Variants in MUCL1 observed in about 807,000 individuals in gnomAD.
MUCL1 encodes mucin like 1.
In MUCL1, 11 loss-of-function variants were observed where a neutral mutation model predicts 9.2. The ratio of observed to expected loss-of-function variants is 1.19; its 90% CI spans 0.75 to 1.97. The LOEUF (loss-of-function observed/expected upper bound fraction) is 1.97, where lower values mean the gene tolerates loss of function less well. Among genes scored for constraint, MUCL1 ranks in the 30% most tolerant of loss-of-function variants. The pLI is 0.00. For synonymous variants in MUCL1, 48 were observed against 40.5 expected, an observed-to-expected ratio of 1.19 and a Z score of -0.71; for missense variants, 144 against 110.9, an observed-to-expected ratio of 1.30 and a Z score of -1.34.
chr12:54,831,087 G>A (rs1959184832), intron 1 of MUCL1, among the ~76,000 whole-genome samples: 1 of 152,112 alleles, frequency 6.6e-6, no homozygotes. Flanking sequence ...ATAAACCAGA[G>A]AGTTTTGTAT....
At chr12:54,843,903 C>T (rs779847993) in intron 1 of MUCL1, among the ~76,000 whole-genome samples, 1 of 152,092 alleles carries the variant, frequency 6.6e-6, no homozygotes, top group African/African-American at 2.4e-5. Flanking sequence ...TGCAGAAATA[C>T]GAAAGTAATA....
At chr12:54,832,542 C>A (rs1024924427) in intron 1 of MUCL1, among the ~76,000 whole-genome samples, 2 of 152,006 alleles carry the variant, frequency 1.3e-5, no homozygotes, top group Admixed American at 6.6e-5. Context: ...TTTATTGTCA[C>A]TTTGGTTAAA....
chr12:54,844,453 T>A (rs2135942211), intron 1 of MUCL1, among the ~76,000 whole-genome samples: 1 of 152,296 alleles, frequency 6.6e-6, no homozygotes, highest in East Asian at 1.9e-4. Context: ...CCTAAGGATC[T>A]GGCTGAAAGG....
intron 1 of MUCL1, among the ~76,000 whole-genome samples, chr12:54,849,194 A>T (rs1959300364): frequency 6.6e-6 from 1 of 152,174 alleles, no homozygotes; most frequent in Non-Finnish European, 1.5e-5. Context: ...ACACAAATAT[A>T]TGGTCACTTG....
rs1441720114 is a variant in MUCL1 at position 54,858,315 on chromosome 12, A to G, written c.*73A>G. On this transcript the variant is annotated 3_prime_UTR_variant, in exon 4 of 4. Transcript: ENST00000308796. ...TTCCTGTGATTTCATCCAACTACTTACCTTGCCTACGATATCCCCTTTATC... is the reference window on the plus strand; with the variant it reads ...TTCCTGTGATTTCATCCAACTACTTGCCTTGCCTACGATATCCCCTTTATC... The G allele has an allele frequency of 6.5e-7, 1 of 1,548,982 alleles. No homozygotes were observed. The highest frequency in any genetic ancestry group is 8.9e-7 in the Non-Finnish European group (1 of 1,121,286).
upstream of MUCL1, among the ~76,000 whole-genome samples, chr12:54,853,554 C>A (rs1257278492): frequency 6.6e-6 from 1 of 152,116 alleles, no homozygotes; most frequent in Non-Finnish European, 1.5e-5. Context: ...TTCCTCAGCT[C>A]CTTAAGAGTC....
At chr12:54,833,416 T>C (rs535095933) in intron 1 of MUCL1, among the ~76,000 whole-genome samples, 2 of 152,314 alleles carry the variant, frequency 1.3e-5, no homozygotes, top group Admixed American at 6.5e-5. Context: ...TTTCCAATAC[T>C]TGGTATTTTC....
upstream of MUCL1, among the ~76,000 whole-genome samples, chr12:54,854,256 C>G (rs114415808): frequency 5.2e-3 from 798 of 152,318 alleles, 8 homozygotes; most frequent in African/African-American, 0.017. Flanking sequence ...TATGGAGACA[C>G]TATACCCTAC....
At chr12:54,848,192 T>C (rs1959284230) in intron 1 of MUCL1, among the ~76,000 whole-genome samples, 1 of 151,730 alleles carries the variant, frequency 6.6e-6, no homozygotes, top group African/African-American at 2.4e-5. Context: ...GAGTGAGGAG[T>C]CTGGTTTTGG....
At chr12:54,843,021 T>C (rs1209890454) in intron 1 of MUCL1, among the ~76,000 whole-genome samples, 2 of 152,210 alleles carry the variant, frequency 1.3e-5, no homozygotes, top group African/African-American at 4.8e-5. Context: ...AAACATGCTG[T>C]ACAGGTTTGC....
At chr12:54,848,627 G>T (rs1378065) in intron 1 of MUCL1, among the ~76,000 whole-genome samples, 57,161 of 151,962 alleles carry the variant, frequency 0.38, 12,707 homozygotes, top group East Asian at 0.84. Flanking sequence ...TAGATAAAAA[G>T]ATTAGAATAT....
At chr12:54,837,894 C>A (rs76776709), upstream of MUCL1, among the ~76,000 whole-genome samples, 1 of 152,210 alleles carries the variant, frequency 6.6e-6, no homozygotes, top group Non-Finnish European at 1.5e-5. Flanking sequence ...TTAAGTGGAG[C>A]ATTTAGACCA....
chr12:54,842,865 G>A (rs1469969587), intron 1 of MUCL1, among the ~76,000 whole-genome samples: 2 of 152,004 alleles, frequency 1.3e-5, no homozygotes, highest in East Asian at 3.9e-4. Context: ...ATGCAACAGT[G>A]CTTTGGTCAG....
upstream of MUCL1, among the ~76,000 whole-genome samples, chr12:54,852,814 T>C (rs1480572773): frequency 6.6e-6 from 1 of 152,144 alleles, no homozygotes; most frequent in Non-Finnish European, 1.5e-5. Flanking sequence ...AATCAGATAG[T>C]ATCTGTCTTT....
At chr12:54,855,082 G>A (rs1356952387) in intron 1 of MUCL1, 34 bp from the exon 2 acceptor site, 2 of 1,604,048 alleles carry the variant, frequency 1.2e-6, no homozygotes, top group East Asian at 2.2e-5. Flanking sequence ...CTGGTATTCA[G>A]CTAACATCTT....
At chr12:54,851,665 C>T (rs181233626), upstream of MUCL1, among the ~76,000 whole-genome samples, 1 of 152,226 alleles carries the variant, frequency 6.6e-6, no homozygotes, top group African/African-American at 2.4e-5. Context: ...CCAGGGCGAT[C>T]AGGCAGGAGA....
chr12:54,853,497 T>G (rs1429750476), upstream of MUCL1, among the ~76,000 whole-genome samples: 2 of 152,230 alleles, frequency 1.3e-5, no homozygotes, highest in Non-Finnish European at 2.9e-5. Flanking sequence ...TCCTTCAGAC[T>G]GACCATTTCC....
At chr12:54,844,256 T>C (rs1280221453) in intron 1 of MUCL1, among the ~76,000 whole-genome samples, 1 of 152,084 alleles carries the variant, frequency 6.6e-6, no homozygotes, top group Non-Finnish European at 1.5e-5. Context: ...TTTTTTTTAT[T>C]GGGGGATAAT....
In MUCL1 at chr12:54,833,359, G is replaced by GT. The variant is rs562715529; in HGVS notation, n.357+2490dup. On this transcript the variant is annotated intron_variant and non_coding_transcript_variant, in intron 1 of 3. Coordinates refer to the MUCL1 transcript ENST00000547990. ...TATTTAGTTTCAATAATATTTTCTAGTTTTTTGTATAGATGAGATCCACAT... is the reference window on the plus strand; with the variant it reads ...TATTTAGTTTCAATAATATTTTCTAGTTTTTTTGTATAGATGAGATCCACAT... Among the ~76,000 whole-genome samples, 433 of 151,990 alleles carry GT rather than the reference G, an allele frequency of 2.8e-3. 4 individuals carry two copies. Among genetic ancestry groups the GT allele is most frequent in the African/African-American group, 9.8e-3 (407 of 41,446 alleles).
Sources: gnomAD v4.1 joint callset for allele counts (sites outside exome capture counted in the v4.1 genomes callset) on GRCh38, gnomAD v4.1.1 for gene constraint, MANE v1.5 for transcripts, NCBI Gene and HGNC (gene_info 2026-07-23, HGNC 2026-07-21) for gene names.